The following GLYATL1 variants were observed in gnomAD, a reference collection of about 807,000 sequenced individuals.
GLYATL1 encodes the protein glycine N-acyltransferase-like protein 1.
GLYATL1 carries 15 observed loss-of-function variants against 20.0 expected under a neutral mutation model. That is an observed-to-expected ratio of 0.75 (90% CI 0.50 to 1.15). The LOEUF (loss-of-function observed/expected upper bound fraction) is 1.15, where lower values mean the gene tolerates loss of function less well. Ranked by LOEUF, GLYATL1 falls within the 50% of genes most tolerant of loss-of-function variation. The pLI is 0.00. For missense variants in GLYATL1, 380 were observed against 368.5 expected (o/e 1.03, Z -0.26); for synonymous variants, 151 against 131.5 (o/e 1.15, Z -1.01).
At chr11:58,943,229 T>A in intron 1 of GLYATL1, 1 of 1,477,892 alleles carries the variant, frequency 6.8e-7, no homozygotes, top group South Asian at 1.4e-5. Flanking sequence ...TTTAGTAGTG[T>A]GCACCTGTAA....
At chr11:58,932,955 T>A (rs1855667739) in intron 1 of GLYATL1, among the ~76,000 whole-genome samples, 1 of 152,220 alleles carries the variant, frequency 6.6e-6, no homozygotes, top group Non-Finnish European at 1.5e-5. Flanking sequence ...GTTTATTATA[T>A]GAAATATTGG....
intron 1 of GLYATL1, among the ~76,000 whole-genome samples, chr11:58,929,571 G>C (rs768908930): frequency 2.0e-5 from 3 of 151,946 alleles, no homozygotes; most frequent in Non-Finnish European, 4.4e-5. Context: ...CTTCTTTTTG[G>C]TATTGTACTC....
At chr11:58,916,616 G>T (rs1855178835) in intron 1 of GLYATL1, among the ~76,000 whole-genome samples, 1 of 152,180 alleles carries the variant, frequency 6.6e-6, no homozygotes, top group Non-Finnish European at 1.5e-5. Flanking sequence ...CTCAGACCCT[G>T]TCCTGGCCCT....
intron 1 of GLYATL1, among the ~76,000 whole-genome samples, chr11:58,932,092 A>G (rs74370096): frequency 0.032 from 4,526 of 139,934 alleles, 250 homozygotes; most frequent in African/African-American, 0.11. Context: ...AGCCTAGGGG[A>G]CAGAAGAGAC....
chr11:58,947,406 A>G, intron 3 of GLYATL1: 2 of 558,970 alleles, frequency 3.6e-6, no homozygotes, highest in Non-Finnish European at 6.3e-6. Context: ...GTGGCTACGA[A>G]CATGGTTTGG....
chr11:58,910,321 A>G (rs1201718363), downstream of GLYATL1, among the ~76,000 whole-genome samples: 2 of 152,132 alleles, frequency 1.3e-5, no homozygotes, highest in African/African-American at 4.8e-5. Flanking sequence ...GAGTTCTTCA[A>G]CTCACTTTAG....
downstream of GLYATL1, among the ~76,000 whole-genome samples, chr11:58,912,271 C>A (rs1428170184): frequency 6.6e-6 from 1 of 152,166 alleles, no homozygotes; most frequent in Non-Finnish European, 1.5e-5. Context: ...AAGGCAAGAA[C>A]TAGAAAGATC....
intron 1 of GLYATL1, among the ~76,000 whole-genome samples, chr11:58,914,735 T>C (rs527797255): frequency 2.6e-5 from 4 of 152,320 alleles, no homozygotes; most frequent in Non-Finnish European, 5.9e-5. Flanking sequence ...CTTTATGGTA[T>C]TCCAGCCAGT....
At chr11:58,915,961 C>T (rs1319408825) in intron 1 of GLYATL1, among the ~76,000 whole-genome samples, 2 of 152,222 alleles carry the variant, frequency 1.3e-5, no homozygotes, top group African/African-American at 4.8e-5. Flanking sequence ...GGTAAAGTCA[C>T]AGGTGGGCTG....
chr11:58,918,255 A>G (rs1855225735), intron 1 of GLYATL1, among the ~76,000 whole-genome samples: 1 of 152,322 alleles, frequency 6.6e-6, no homozygotes, highest in South Asian at 2.1e-4. Context: ...AAATCCACCA[A>G]AGAATGAAAA....
At chr11:58,954,668 T>G (rs1342913742) in intron 4 of GLYATL1, 102 bp from the exon 5 acceptor site, 2 of 1,150,560 alleles carry the variant, frequency 1.7e-6, no homozygotes, top group Non-Finnish European at 2.5e-6. Flanking sequence ...TGGGCCACTG[T>G]TAAAATTTTC....
At position 58,919,435 on chromosome 11, in the gene GLYATL1, C is replaced by T. The variant is rs529432781; in HGVS notation, n.264+13774C>T. On this transcript the variant is annotated intron_variant and non_coding_transcript_variant, in intron 1 of 2. Transcript: ENST00000534674. ...CTCCACTTTTCTTGAGCTCTGTGGC[C>T]GGTAGGCTGTGTGTAACTTCCATTT... is the stretch of plus-strand genomic sequence containing the variant. Among the ~76,000 whole-genome samples, 4 of 152,264 alleles carry T rather than the reference C, an allele frequency of 2.6e-5. No individual in the cohort carries two copies. In the East Asian group the frequency reaches 7.7e-4, roughly 29 times the overall value.
chr11:58,909,504 C>A (rs1473917999), downstream of GLYATL1, among the ~76,000 whole-genome samples: 3 of 152,176 alleles, frequency 2.0e-5, no homozygotes, highest in Non-Finnish European at 4.4e-5. Context: ...AAGTTGCATA[C>A]ATTAATTATG....
chr11:58,950,281 G>A (rs1184915200), intron 4 of GLYATL1, among the ~76,000 whole-genome samples: 1 of 150,250 alleles, frequency 6.7e-6, no homozygotes, highest in East Asian at 1.9e-4. Flanking sequence ...GACGGAGCGA[G>A]ACTCCGTCTA....
At chr11:58,909,734 G>A (rs967660360), downstream of GLYATL1, among the ~76,000 whole-genome samples, 7 of 152,186 alleles carry the variant, frequency 4.6e-5, no homozygotes, top group African/African-American at 1.4e-4. Flanking sequence ...AGGTAGTGTG[G>A]TGCCAAGATC....
In GLYATL1 at chr11:58,950,198, G is replaced by A. The variant is rs966833676; in HGVS notation, c.186+2233G>A. Among the ~76,000 whole-genome samples the A allele has an allele frequency of 7.9e-5, 12 of 151,422 alleles. 1 individual carries two copies. The highest frequency in any genetic ancestry group is 2.4e-4 in the African/African-American group (10 of 41,282). On this transcript the variant is annotated intron_variant, in intron 4 of 6. Coordinates refer to ENST00000532726, the MANE Select transcript of GLYATL1 (RefSeq NM_001389712.2). ...CCCAACTACTTGGGAGGCTGAGGCC[G>A]GAGAATGGCGTGAAACCGGGAGGCG... is the stretch of plus-strand genomic sequence containing the variant.
intron 4 of GLYATL1, among the ~76,000 whole-genome samples, chr11:58,949,394 T>A (rs1856810201): frequency 6.6e-6 from 1 of 152,230 alleles, no homozygotes; most frequent in Non-Finnish European, 1.5e-5. Context: ...TCAGGGATGT[T>A]CTTTTGATCT....
chr11:58,944,873 TA>T (rs1271200478), intron 2 of GLYATL1, among the ~76,000 whole-genome samples: 1 of 151,938 alleles, frequency 6.6e-6, no homozygotes, highest in Non-Finnish European at 1.5e-5. Flanking sequence ...TGATACATAA[TA>T]CAACAGATGT....
chr11:58,943,961 T>TTTTC (rs1491233570), intron 2 of GLYATL1, among the ~76,000 whole-genome samples: 2 of 4,836 alleles, frequency 4.1e-4, no homozygotes, highest in African/African-American at 9.9e-4. Flanking sequence ...TTTTCTTTTC[T>TTTTC]TTTTTTTTTT....
Sources: gnomAD v4.1 joint callset for allele counts (sites outside exome capture counted in the v4.1 genomes callset) on GRCh38, gnomAD v4.1.1 for gene constraint, MANE v1.5 for transcripts, NCBI Gene and HGNC (gene_info 2026-07-23, HGNC 2026-07-21) for gene names.